KLF17: variants seen among roughly 807,000 people sequenced by gnomAD.
The protein encoded by KLF17 is KLF transcription factor 17.
A neutral mutation model predicts 34.2 loss-of-function variants in KLF17; 31 were observed. That is an observed-to-expected ratio of 0.91 (90% CI 0.68 to 1.22). The LOEUF (loss-of-function observed/expected upper bound fraction) is 1.22. Ranked by LOEUF, KLF17 falls within the 50% of genes most tolerant of loss-of-function variation. The probability of loss-of-function intolerance (pLI) is 0.00; values close to 1 mark genes in which losing one functional copy is unlikely to be tolerated. For missense variants in KLF17, 478 were observed against 505.2 expected (o/e 0.95, Z 0.52); for synonymous variants, 179 against 186.7 (o/e 0.96, Z 0.34).
At chr1:44,078,378 T>C in the KLF17 span, among the ~76,000 whole-genome samples, 1 of 151,946 alleles carries the variant, frequency 6.6e-6, no homozygotes, top group Non-Finnish European at 1.5e-5. Flanking sequence ...AAGAAATTGC[T>C]GGAGGGTCAT....
chr1:44,065,599 G>T, the KLF17 span, among the ~76,000 whole-genome samples: 4 of 151,756 alleles, frequency 2.6e-5, no homozygotes, highest in East Asian at 5.9e-4. Flanking sequence ...TAGTAGAGAC[G>T]GGGTTTCACC....
At chr1:44,096,703 G>A in the KLF17 span, among the ~76,000 whole-genome samples, 2 of 151,620 alleles carry the variant, frequency 1.3e-5, no homozygotes, top group African/African-American at 4.8e-5. Context: ...CCCAGCCTAC[G>A]GTTTTTAAAA....
At chr1:44,110,798 C>A in the KLF17 span, among the ~76,000 whole-genome samples, 1 of 151,906 alleles carries the variant, frequency 6.6e-6, no homozygotes, top group Non-Finnish European at 1.5e-5. Flanking sequence ...ATTATAGAAC[C>A]TAACTACTAC....
At chr1:44,125,999 G>A (rs115684949) in intron 1 of KLF17, among the ~76,000 whole-genome samples, 3,981 of 151,856 alleles carry the variant, frequency 0.026, 189 homozygotes, top group African/African-American at 0.092. Flanking sequence ...ATAGTTGGAG[G>A]ACAAGGTTTT....
At chr1:44,103,922 C>T in the KLF17 span, 1 of 841,552 alleles carries the variant, frequency 1.2e-6, no homozygotes, top group East Asian at 2.4e-5. Context: ...GCTTCTCATA[C>T]TTGATCTGGT....
rs71036666 is a variant in KLF17, at chr1:44,127,692, T to TTTTCTTTCTTTC, written c.82-1650_82-1639dup. The stretch of plus-strand genomic sequence containing the variant: ...TTTCTTTCTTTCTTTCTTTCTTTCT[T>TTTTCTTTCTTTC]TTTCTTTCTTTCTTTCTTTCTTCTC... On this transcript the variant is annotated intron_variant, in intron 1 of 3. Coordinates refer to ENST00000372299, the MANE Select transcript of KLF17 (RefSeq NM_173484.4). Among the ~76,000 whole-genome samples, 654 of 90,114 alleles carry TTTTCTTTCTTTC rather than the reference T, an allele frequency of 7.3e-3. 14 individuals are homozygous for TTTTCTTTCTTTC. The highest frequency in any genetic ancestry group is 0.02 in the South Asian group (43 of 2,204). The allele number at this position is 90,114 out of a possible 152,430, so 59.1% of individuals were successfully genotyped here.
At chr1:44,107,601 T>G in the KLF17 span, among the ~76,000 whole-genome samples, 1 of 152,206 alleles carries the variant, frequency 6.6e-6, no homozygotes. Context: ...GGAGGAATCA[T>G]TTCTTTGACT....
chr1:44,077,881 C>T, the KLF17 span, among the ~76,000 whole-genome samples: 211 of 152,264 alleles, frequency 1.4e-3, 1 homozygote, highest in Non-Finnish European at 2.4e-3. Flanking sequence ...TCTTTTGTCT[C>T]AGTGGAGGGA....
chr1:44,130,306 G>A (rs1282897561), intron 2 of KLF17, 110 bp downstream of exon 2: 1 of 1,492,572 alleles, frequency 6.7e-7, no homozygotes, highest in South Asian at 1.3e-5. Flanking sequence ...TTCCAAGCTT[G>A]GAACTAAGCT....
the KLF17 span, chr1:44,104,134 G>A: frequency 4.8e-6 from 5 of 1,045,188 alleles, no homozygotes; most frequent in Non-Finnish European, 4.5e-6. Context: ...AGCCCTTCCA[G>A]GCCAGACTCC....
At chr1:44,113,465 T>C in the KLF17 span, among the ~76,000 whole-genome samples, 1 of 152,318 alleles carries the variant, frequency 6.6e-6, no homozygotes, top group East Asian at 1.9e-4. Context: ...CAATCAGTTC[T>C]CTGTACTAAG....
chr1:44,129,746 C>T lies in KLF17; in HGVS notation c.475C>T (p.Pro159Ser), dbSNP rs1204421906. 11 of 1,614,042 alleles carry T rather than the reference C, an allele frequency of 6.8e-6. No homozygotes were observed. Among genetic ancestry groups the T allele is most frequent in the Non-Finnish European group, 9.3e-6 (11 of 1,180,028 alleles). The change falls in exon 2 of 4, where the codon CCA (proline) becomes TCA (serine). Residue 159 changes from proline to serine, a missense_variant. Pro to Ser is a moderately conservative substitution (Grantham distance 74, BLOSUM62 -1). Coordinates refer to ENST00000372299, the MANE Select transcript of KLF17 (RefSeq NM_173484.4). ...TCTAAGGATGCCCCCCAATGGGCTG[C>T]CAGTCTCGGCTTCCACTGGAATCCC... ...GNLRMPPNGL[P>S]VSASTGIPIM...
upstream of KLF17, among the ~76,000 whole-genome samples, chr1:44,118,172 A>T (rs1313216957): frequency 6.6e-6 from 1 of 152,170 alleles, no homozygotes; most frequent in Admixed American, 6.5e-5. Flanking sequence ...ACCACCTAAA[A>T]TTATAATAGT....
the KLF17 span, among the ~76,000 whole-genome samples, chr1:44,077,143 A>T: frequency 1.3e-5 from 2 of 151,864 alleles, no homozygotes; most frequent in African/African-American, 4.8e-5. Context: ...TCAGGAGTTC[A>T]AGACCAGCCT....
chr1:44,070,590 CTTT>C, the KLF17 span, among the ~76,000 whole-genome samples: 128 of 78,636 alleles, frequency 1.6e-3, no homozygotes, highest in East Asian at 5.0e-3. Context: ...TTTCCCTTGT[CTTT>C]TTTTTTTTTT....
chr1:44,083,433 C>T, the KLF17 span, among the ~76,000 whole-genome samples: 1 of 152,138 alleles, frequency 6.6e-6, no homozygotes, highest in South Asian at 2.1e-4. Flanking sequence ...GCTCAGTTGG[C>T]ATCCAAGGAG....
At chr1:44,072,693 G>A in the KLF17 span, among the ~76,000 whole-genome samples, 3 of 152,086 alleles carry the variant, frequency 2.0e-5, no homozygotes, top group South Asian at 6.2e-4. Flanking sequence ...GACCTTGTCT[G>A]TAAAATAATA....
At chr1:44,059,015 G>A in the KLF17 span, among the ~76,000 whole-genome samples, 3 of 152,134 alleles carry the variant, frequency 2.0e-5, no homozygotes, top group African/African-American at 7.2e-5. Context: ...ATGAATGGAA[G>A]GGGCCGTATC....
the KLF17 span, chr1:44,103,891 G>A: frequency 1.3e-6 from 1 of 797,458 alleles, no homozygotes; most frequent in South Asian, 1.3e-5. Context: ...TCATCCCAGT[G>A]CCTCCCAGCC....
Sources: allele counts gnomAD v4.1 joint callset (sites outside exome capture counted in the v4.1 genomes callset), GRCh38; gene constraint gnomAD v4.1.1; transcripts MANE v1.5; gene names NCBI Gene and HGNC (gene_info 2026-07-23, HGNC 2026-07-21).